Variants in MTUS2 observed in about 807,000 individuals in gnomAD.
The protein encoded by MTUS2 is microtubule-associated tumor suppressor candidate 2.
Under a neutral mutation model 114.1 loss-of-function variants are expected in MTUS2, and 40 were observed. That is an observed-to-expected ratio of 0.35 (90% CI 0.27 to 0.46). The LOEUF is 0.46. Ranked by LOEUF, MTUS2 falls within the 20% of genes least tolerant of loss-of-function variation. The probability of loss-of-function intolerance (pLI) is 1.00; values close to 1 mark genes in which losing one functional copy is unlikely to be tolerated. For synonymous variants in MTUS2, 688 were observed against 672.0 expected (o/e 1.02, Z -0.37); for missense variants, 1,679 against 1,705.4 (o/e 0.98, Z 0.27).
At chr13:28,989,686 C>T (rs1235884397) in intron 2 of MTUS2, among the ~76,000 whole-genome samples, 1 of 152,140 alleles carries the variant, frequency 6.6e-6, no homozygotes, top group Non-Finnish European at 1.5e-5. Context: ...AGCCACCTCA[C>T]TCCTTCTGCT....
chr13:29,414,342 T>C (rs1875487942), intron 8 of MTUS2, among the ~76,000 whole-genome samples: 1 of 107,430 alleles, frequency 9.3e-6, no homozygotes, highest in Admixed American at 9.7e-5. Context: ...CATTGGGAGA[T>C]ATACCTAATG....
At chr13:29,037,632 T>G (rs1887142444) in intron 4 of MTUS2, among the ~76,000 whole-genome samples, 1 of 152,234 alleles carries the variant, frequency 6.6e-6, no homozygotes, top group South Asian at 2.1e-4. Flanking sequence ...ATTCTCCCCG[T>G]CATTTTCAGG....
Position 29,026,809 on chromosome 13 carries a change from A to G in MTUS2, c.2111A>G (p.Gln704Arg), listed in dbSNP as rs752381898. The G allele has an allele frequency of 6.2e-7, 1 of 1,612,718 alleles. No individual in the cohort carries two copies. Among genetic ancestry groups the G allele is most frequent in the Admixed American group, 1.7e-5 (1 of 60,034 alleles). The change falls in exon 3 of 16, where the codon CAG becomes CGG. Residue 704 changes from glutamine to arginine, a missense_variant. Physicochemically the swap from Gln to Arg is conservative, Grantham distance 43. This residue lies in a region of MTUS2 where 822 missense variants were observed against 899.7 expected (regional missense o/e 0.91). Coordinates refer to ENST00000612955, the MANE Select transcript of MTUS2 (RefSeq NM_001033602.4). ...NLYEKFKPDL[Q>R]KPRVFSSGLM... Reference sequence around the variant, plus strand: ...TATGAGAAATTCAAGCCAGACCTGCAGAAGCCAAGGGTCTTCAGTTCCGGA... The same window carrying G: ...TATGAGAAATTCAAGCCAGACCTGCGGAAGCCAAGGGTCTTCAGTTCCGGA...
intron 2 of MTUS2, among the ~76,000 whole-genome samples, chr13:28,950,873 C>T (rs552317118): frequency 5.3e-5 from 8 of 152,148 alleles, no homozygotes; most frequent in East Asian, 1.9e-4. Context: ...AAAATGGCAC[C>T]GATAGACTTG....
In MTUS2 at chr13:28,837,362, G is replaced by A. The variant is rs187241617; in HGVS notation, c.-315-2416G>A. On this transcript the variant is annotated intron_variant, in intron 1 of 15. Transcript: ENST00000612955. ...TCTTATCTAGGATTCTGGGCCATTC[G>A]GTAACATCAGCTCTTCCTACCTCTT... Among the ~76,000 whole-genome samples the A allele has an allele frequency of 1.7e-3, 255 of 152,228 alleles. 2 individuals carry two copies. Among genetic ancestry groups the A allele is most frequent in the African/African-American group, 5.7e-3 (237 of 41,536 alleles).
chr13:28,866,765 G>T (rs1248640377), intron 2 of MTUS2, among the ~76,000 whole-genome samples: 5 of 151,954 alleles, frequency 3.3e-5, no homozygotes, highest in Admixed American at 2.6e-4. Context: ...TACTAGACAG[G>T]TTCCTCTGTC....
chr13:29,440,561 A>G (rs570701916), intron 9 of MTUS2, among the ~76,000 whole-genome samples: 32 of 152,296 alleles, frequency 2.1e-4, no homozygotes, highest in African/African-American at 7.2e-4. Context: ...TACAAATAAA[A>G]TGATCCCCAA....
intron 2 of MTUS2, among the ~76,000 whole-genome samples, chr13:28,842,608 C>T (rs755731295): frequency 6.6e-6 from 1 of 152,100 alleles, no homozygotes; most frequent in South Asian, 2.1e-4. Flanking sequence ...AATAATTTAT[C>T]GCTGTATGGT....
chr13:29,081,870 A>G (rs1297739461), intron 4 of MTUS2, among the ~76,000 whole-genome samples: 1 of 152,170 alleles, frequency 6.6e-6, no homozygotes, highest in Admixed American at 6.5e-5. Context: ...AGAGTGTCAG[A>G]CTACTGGCAA....
chr13:29,289,928 C>T (rs552793272), intron 6 of MTUS2, among the ~76,000 whole-genome samples: 40 of 152,140 alleles, frequency 2.6e-4, no homozygotes, highest in Non-Finnish European at 4.4e-4. Flanking sequence ...GATGTTTTTG[C>T]TTTACCCCAC....
Position 28,844,148 on chromosome 13 carries a change from A to G in MTUS2, c.-243+4298A>G, listed in dbSNP as rs545477819. Among the ~76,000 whole-genome samples the G allele has an allele frequency of 2.0e-5, 3 of 152,312 alleles. No individual in the cohort carries two copies. The South Asian group carries it at 6.2e-4, about 32-fold the overall frequency. Reference sequence around the variant, plus strand: ...GCCCTCTCCTTGTAGAAGCACTGAGAACCTGAGCTCACATCAGCCATTTGG... The same window carrying G: ...GCCCTCTCCTTGTAGAAGCACTGAGGACCTGAGCTCACATCAGCCATTTGG... On this transcript the variant is annotated intron_variant, in intron 2 of 15. Transcript: ENST00000612955.
chr13:28,871,707 C>T (rs1224886023), intron 2 of MTUS2, among the ~76,000 whole-genome samples: 1 of 152,170 alleles, frequency 6.6e-6, no homozygotes, highest in Non-Finnish European at 1.5e-5. Flanking sequence ...GTAATAACTA[C>T]TATTAAGAAA....
At chr13:28,835,209 T>C (rs1264525955) in intron 1 of MTUS2, among the ~76,000 whole-genome samples, 1 of 152,182 alleles carries the variant, frequency 6.6e-6, no homozygotes, top group African/African-American at 2.4e-5. Flanking sequence ...TATAAAAACT[T>C]GCACATGAAT....
intron 2 of MTUS2, among the ~76,000 whole-genome samples, chr13:29,015,051 ATGGTT>A (rs1197549523): frequency 2.6e-5 from 4 of 152,196 alleles, no homozygotes; most frequent in African/African-American, 9.7e-5. Context: ...CACTTGCTGT[ATGGTT>A]ACATTTAAGC....
At chr13:29,342,952 G>A (rs1901473322) in intron 7 of MTUS2, among the ~76,000 whole-genome samples, 2 of 152,046 alleles carry the variant, frequency 1.3e-5, no homozygotes, top group African/African-American at 2.4e-5. Context: ...TTTATATGGT[G>A]TATCACATTT....
intron 12 of MTUS2, among the ~76,000 whole-genome samples, chr13:29,493,612 G>C (rs1177444197): frequency 2.0e-5 from 3 of 152,148 alleles, no homozygotes; most frequent in African/African-American, 7.2e-5. Flanking sequence ...ATTGTGGAGA[G>C]ACCCAGGGTC....
intron 7 of MTUS2, among the ~76,000 whole-genome samples, chr13:29,329,543 TG>T (rs1900675915): frequency 6.6e-6 from 1 of 152,084 alleles, no homozygotes; most frequent in Non-Finnish European, 1.5e-5. Context: ...CTATCACTGA[TG>T]GGTATTTGGG....
chr13:29,201,310 T>A (rs538392195), intron 5 of MTUS2, among the ~76,000 whole-genome samples: 1 of 152,242 alleles, frequency 6.6e-6, no homozygotes, highest in African/African-American at 2.4e-5. Flanking sequence ...AAGTCTGTTT[T>A]GTCATAGGCT....
chr13:28,974,266 A>G (rs972781852), intron 2 of MTUS2, among the ~76,000 whole-genome samples: 2 of 152,166 alleles, frequency 1.3e-5, no homozygotes, highest in African/African-American at 4.8e-5. Flanking sequence ...GTTTTCCAAG[A>G]GAAAGTGGAA....
Sources: allele counts gnomAD v4.1 joint callset (sites outside exome capture counted in the v4.1 genomes callset), GRCh38; gene constraint gnomAD v4.1.1; regional missense constraint gnomAD v4.1.1; transcripts MANE v1.5; gene names NCBI Gene and HGNC (gene_info 2026-07-23, HGNC 2026-07-21).